Variants in NAA11 observed in about 807,000 individuals in gnomAD.
The protein encoded by NAA11 is N-alpha-acetyltransferase 11.
Under a neutral mutation model 16.1 loss-of-function variants are expected in NAA11, and 15 were observed. That is an observed-to-expected ratio of 0.93 (90% confidence interval 0.62 to 1.44). NAA11 has a LOEUF of 1.44. Ranked by LOEUF, NAA11 falls within the 40% of genes most tolerant of loss-of-function variation. The probability of loss-of-function intolerance (pLI) is 0.00; values close to 1 mark genes in which losing one functional copy is unlikely to be tolerated. For missense variants in NAA11, 298 were observed against 291.3 expected (o/e 1.02, Z -0.17); for synonymous variants, 122 against 112.4 (o/e 1.09, Z -0.54).
chr4:79,167,515 G>A, the NAA11 span, among the ~76,000 whole-genome samples: 1 of 151,894 alleles, frequency 6.6e-6, no homozygotes, highest in Non-Finnish European at 1.5e-5. Context: ...TAAATGAGAT[G>A]ATGTTTCTGA....
intron 2 of NAA11, among the ~76,000 whole-genome samples, chr4:79,282,945 C>T (rs1205024156): frequency 1.3e-5 from 2 of 152,012 alleles, no homozygotes; most frequent in Non-Finnish European, 2.9e-5. Flanking sequence ...AGAGGAATGG[C>T]CAGTAAGGAT....
At chr4:79,270,212 T>G (rs2109979978) in intron 2 of NAA11, among the ~76,000 whole-genome samples, 1 of 151,754 alleles carries the variant, frequency 6.6e-6, no homozygotes, top group South Asian at 2.1e-4. Context: ...CATATGAACT[T>G]TAAAGTAGTT....
In NAA11 at chr4:79,268,168, C is replaced by T. The variant is rs553075081; in HGVS notation, c.*122+25837G>A. On this transcript the variant is annotated intron_variant and NMD_transcript_variant, in intron 2 of 2. Coordinates refer to the NAA11 transcript ENST00000511542. ...GATTCTTTTTACTGTTTTGAAACTT[C>T]CTGTGAATCTGTAATTATTTCAAAA... 8.5e-5 allele frequency among the ~76,000 whole-genome samples: 13 copies of T among 152,108 alleles called. No homozygotes were observed. In the South Asian group the frequency reaches 2.7e-3, roughly 32 times the overall value.
the NAA11 span, among the ~76,000 whole-genome samples, chr4:79,183,472 C>T: frequency 6.6e-6 from 1 of 151,742 alleles, no homozygotes; most frequent in Non-Finnish European, 1.5e-5. Context: ...CCATGAAACA[C>T]TAATGTCTTG....
At chr4:79,224,653 T>G (rs1246090590), downstream of NAA11, among the ~76,000 whole-genome samples, 1 of 151,892 alleles carries the variant, frequency 6.6e-6, no homozygotes. Context: ...GAGAAGTGAG[T>G]GCTCCAGAGA....
At chr4:79,220,178 C>T in the NAA11 span, among the ~76,000 whole-genome samples, 4 of 152,158 alleles carry the variant, frequency 2.6e-5, no homozygotes, top group Non-Finnish European at 5.9e-5. Context: ...CTGTAACCTC[C>T]GCTTCCTGGG....
downstream of NAA11, among the ~76,000 whole-genome samples, chr4:79,222,130 C>T (rs1264485527): frequency 1.3e-5 from 2 of 151,714 alleles, no homozygotes; most frequent in Non-Finnish European, 2.9e-5. Flanking sequence ...AGGAATGTAT[C>T]CATTTCTTCT....
At chr4:79,236,129 A>G (rs1389268071) in intron 2 of NAA11, among the ~76,000 whole-genome samples, 1 of 152,166 alleles carries the variant, frequency 6.6e-6, no homozygotes, top group African/African-American at 2.4e-5. Context: ...TAAGTCTTGT[A>G]AAATGTATAT....
chr4:79,167,132 TTA>T, the NAA11 span, among the ~76,000 whole-genome samples: 504 of 17,298 alleles, frequency 0.029, 100 homozygotes, highest in African/African-American at 0.075. Flanking sequence ...ACAGCTTATT[TTA>T]TATATATATA....
At chr4:79,313,494 G>A (rs1484140), downstream of NAA11, among the ~76,000 whole-genome samples, 88,220 of 151,988 alleles carry the variant, frequency 0.58, 25,941 homozygotes, top group East Asian at 0.85. Context: ...AAGCGCCTGT[G>A]AAATGCAGTT....
intron 1 of NAA11, chr4:79,308,662 G>A (rs1447821683): frequency 1.3e-5 from 2 of 151,904 alleles, no homozygotes; most frequent in African/African-American, 4.8e-5. Context: ...CCAATATTGA[G>A]GTATAATCTT....
intron 2 of NAA11, chr4:79,227,861 A>C (rs4425403): frequency 0.71 from 108,280 of 151,902 alleles, 40,774 homozygotes; most frequent in East Asian, 0.89. Context: ...AAAACAAGTC[A>C]CTTCTATCAT....
the NAA11 span, among the ~76,000 whole-genome samples, chr4:79,203,527 T>C: frequency 0.012 from 1,747 of 151,754 alleles, 40 homozygotes; most frequent in African/African-American, 0.04. Context: ...AATTATAAGA[T>C]GCACAGTGTT....
the NAA11 span, among the ~76,000 whole-genome samples, chr4:79,201,190 C>T: frequency 1.7e-4 from 25 of 151,346 alleles, no homozygotes; most frequent in Admixed American, 3.3e-4. Flanking sequence ...CCAAATTTCC[C>T]ATTATAAATC....
At chr4:79,223,646 TA>T (rs11348185), downstream of NAA11, among the ~76,000 whole-genome samples, 102,733 of 145,678 alleles carry the variant, frequency 0.71, 37,876 homozygotes, top group East Asian at 0.88. Context: ...AAAGTATAAT[TA>T]AAAAAAAAAA....
chr4:79,193,682 T>C, the NAA11 span, among the ~76,000 whole-genome samples: 22 of 152,322 alleles, frequency 1.4e-4, no homozygotes, highest in African/African-American at 5.3e-4. Flanking sequence ...TTTGTTCTTT[T>C]GGCTTAGGAT....
intron 2 of NAA11, among the ~76,000 whole-genome samples, chr4:79,293,697 T>C (rs1237007589): frequency 6.6e-6 from 1 of 152,170 alleles, no homozygotes; most frequent in East Asian, 1.9e-4. Flanking sequence ...CTAATGAGAA[T>C]ATGGTAATGA....
chr4:79,207,388 A>AC, the NAA11 span, among the ~76,000 whole-genome samples: 4 of 149,416 alleles, frequency 2.7e-5, no homozygotes, highest in African/African-American at 9.8e-5. Flanking sequence ...AAAAAAAAAA[A>AC]GGAGAGTTCT....
chr4:79,251,479 T>G (rs1721992989), intron 2 of NAA11, among the ~76,000 whole-genome samples: 2 of 151,816 alleles, frequency 1.3e-5, no homozygotes, highest in Non-Finnish European at 1.5e-5. Flanking sequence ...TACTTGAGAG[T>G]GGAGGTTGAG....
Sources: allele counts gnomAD v4.1 joint callset (sites outside exome capture counted in the v4.1 genomes callset), GRCh38; gene constraint gnomAD v4.1.1; transcripts MANE v1.5; gene names NCBI Gene and HGNC (gene_info 2026-07-23, HGNC 2026-07-21).